The following GPATCH2 variants were observed in gnomAD, a reference collection of about 807,000 sequenced individuals.
The protein encoded by GPATCH2 is G patch domain-containing protein 2.
A neutral mutation model predicts 58.0 loss-of-function variants in GPATCH2; 51 were observed. That is an observed-to-expected ratio of 0.88 (90% CI 0.70 to 1.11). The LOEUF is 1.11. GPATCH2 is among the 50% of genes most tolerant of loss of function. GPATCH2 has a pLI of 0.00. For synonymous variants in GPATCH2, 222 were observed against 218.5 expected (o/e 1.02, Z -0.14); for missense variants, 625 against 652.2 (o/e 0.96, Z 0.45).
At chr1:217,546,091 G>A (rs1665033700) in intron 5 of GPATCH2, among the ~76,000 whole-genome samples, 1 of 152,066 alleles carries the variant, frequency 6.6e-6, no homozygotes, top group Admixed American at 6.5e-5. Flanking sequence ...GCTAACTAGG[G>A]AGGTGAAAGA....
At chr1:217,597,344 TAA>T (rs746764158) in intron 5 of GPATCH2, among the ~76,000 whole-genome samples, 5 of 134,312 alleles carry the variant, frequency 3.7e-5, no homozygotes, top group Admixed American at 1.5e-4. Flanking sequence ...TCTTGTCTCT[TAA>T]AAAAAAAAAA....
At chr1:217,456,703 G>A (rs1240760495) in intron 8 of GPATCH2, among the ~76,000 whole-genome samples, 3 of 151,868 alleles carry the variant, frequency 2.0e-5, no homozygotes, top group Non-Finnish European at 1.5e-5. Flanking sequence ...TAACAGAGAG[G>A]GTTACCCAAA....
intron 8 of GPATCH2, among the ~76,000 whole-genome samples, chr1:217,465,738 A>C (rs1231041415): frequency 1.3e-5 from 2 of 152,184 alleles, no homozygotes; most frequent in African/African-American, 4.8e-5. Context: ...CTTTCTTCCC[A>C]GTCTTGGGTA....
At chr1:217,511,515 A>G (rs1662849862) in intron 6 of GPATCH2, among the ~76,000 whole-genome samples, 1 of 152,210 alleles carries the variant, frequency 6.6e-6, no homozygotes, top group South Asian at 2.1e-4. Context: ...ATTTGATAAT[A>G]AGAGTCAGTT....
intron 5 of GPATCH2, among the ~76,000 whole-genome samples, chr1:217,527,567 A>G (rs2102615591): frequency 6.6e-6 from 1 of 151,952 alleles, no homozygotes; most frequent in East Asian, 1.9e-4. Flanking sequence ...CCAAGCCACT[A>G]CGTGCCTTTC....
intron 5 of GPATCH2, among the ~76,000 whole-genome samples, chr1:217,544,819 C>T (rs1457004034): frequency 1.3e-5 from 2 of 152,210 alleles, no homozygotes; most frequent in Non-Finnish European, 2.9e-5. Flanking sequence ...TAAATGAATA[C>T]TTTTTCATTT....
At chr1:217,456,301 C>T (rs6691342) in intron 8 of GPATCH2, among the ~76,000 whole-genome samples, 14,427 of 152,158 alleles carry the variant, frequency 0.095, 1,300 homozygotes, top group African/African-American at 0.24. Flanking sequence ...AAGTGCTCAC[C>T]CCTGGCTCCT....
intron 5 of GPATCH2, among the ~76,000 whole-genome samples, chr1:217,565,873 G>A (rs1168558146): frequency 1.3e-5 from 2 of 152,026 alleles, no homozygotes; most frequent in East Asian, 1.9e-4. Flanking sequence ...AGGCCCAGGC[G>A]GGTGGGTCAC....
chr1:217,490,972 G>C (rs910634559), intron 8 of GPATCH2, among the ~76,000 whole-genome samples: 1 of 152,144 alleles, frequency 6.6e-6, no homozygotes. Context: ...TTGGTTACTT[G>C]GGAATGTTAA....
intron 6 of GPATCH2, among the ~76,000 whole-genome samples, chr1:217,512,429 A>G (rs1201945974): frequency 2.0e-5 from 3 of 152,242 alleles, no homozygotes; most frequent in Admixed American, 2.0e-4. Flanking sequence ...CTAAATGGAA[A>G]CAGGCAGTGG....
chr1:217,437,799 G>A (rs892485766), intron 9 of GPATCH2, among the ~76,000 whole-genome samples: 1 of 152,222 alleles, frequency 6.6e-6, no homozygotes, highest in African/African-American at 2.4e-5. Context: ...GGGTGGCTGT[G>A]GGCACAGCTT....
chr1:217,451,398 G>A (rs1399937174), intron 8 of GPATCH2, among the ~76,000 whole-genome samples: 1 of 152,150 alleles, frequency 6.6e-6, no homozygotes, highest in Non-Finnish European at 1.5e-5. Context: ...CTGTCCTGTG[G>A]AATGACAACC....
At chr1:217,555,032 T>TCA (rs1665552684) in intron 5 of GPATCH2, among the ~76,000 whole-genome samples, 3 of 152,200 alleles carry the variant, frequency 2.0e-5, no homozygotes, top group African/African-American at 7.2e-5. Context: ...TTGCTCAGTG[T>TCA]ACAGATGGCT....
chr1:217,496,680 A>C (rs1662023464), intron 7 of GPATCH2, among the ~76,000 whole-genome samples: 1 of 152,194 alleles, frequency 6.6e-6, no homozygotes, highest in South Asian at 2.1e-4. Flanking sequence ...ACATTAAATA[A>C]GGTATCTTTA....
intron 5 of GPATCH2, among the ~76,000 whole-genome samples, chr1:217,518,011 A>G (rs1485873596): frequency 6.6e-6 from 1 of 152,152 alleles, no homozygotes; most frequent in Non-Finnish European, 1.5e-5. Context: ...ACATCACATT[A>G]CACGCCCTGA....
At chr1:217,537,034 T>A (rs577627907) in intron 5 of GPATCH2, among the ~76,000 whole-genome samples, 1 of 152,314 alleles carries the variant, frequency 6.6e-6, no homozygotes, top group African/African-American at 2.4e-5. Context: ...TAAGTCACTT[T>A]AAGTCATTGG....
At chr1:217,575,974 C>T (rs1332192181) in intron 5 of GPATCH2, among the ~76,000 whole-genome samples, 2 of 151,962 alleles carry the variant, frequency 1.3e-5, no homozygotes, top group South Asian at 2.1e-4. Context: ...TGCAATGGGT[C>T]CTTTTATATA....
intron 5 of GPATCH2, among the ~76,000 whole-genome samples, chr1:217,568,259 T>G (rs942018261): frequency 1.3e-5 from 2 of 152,142 alleles, no homozygotes; most frequent in African/African-American, 4.8e-5. Context: ...TAATATATAC[T>G]TATATATTAA....
intron 5 of GPATCH2, among the ~76,000 whole-genome samples, chr1:217,544,402 C>T (rs1031703658): frequency 6.6e-6 from 1 of 152,148 alleles, no homozygotes; most frequent in Non-Finnish European, 1.5e-5. Context: ...CAAAAACAAA[C>T]AAACAAACCA....
Sources: allele counts gnomAD v4.1 joint callset (sites outside exome capture counted in the v4.1 genomes callset), GRCh38; gene constraint gnomAD v4.1.1; transcripts MANE v1.5; gene names NCBI Gene and HGNC (gene_info 2026-07-23, HGNC 2026-07-21).